The following FAM53B variants were observed in gnomAD, a reference collection of about 807,000 sequenced individuals.
FAM53B encodes the protein family with sequence similarity 53 member B, also known as protein FAM53B.
In FAM53B, 12 loss-of-function variants were observed where a neutral mutation model predicts 32.7. That is an observed-to-expected ratio of 0.37 (90% CI 0.24 to 0.59). The LOEUF (loss-of-function observed/expected upper bound fraction) is 0.59. Ranked by LOEUF, FAM53B falls within the 20% of genes least tolerant of loss-of-function variation. FAM53B has a pLI of 0.72. For missense variants in FAM53B, 477 were observed against 577.7 expected (o/e 0.83, Z 1.79); for synonymous variants, 234 against 228.7 (o/e 1.02, Z -0.21).
At chr10:124,656,531 A>G (rs1399369850) in intron 4 of FAM53B, among the ~76,000 whole-genome samples, 1 of 152,208 alleles carries the variant, frequency 6.6e-6, no homozygotes, top group Non-Finnish European at 1.5e-5. Context: ...GGCACAGACC[A>G]ATATTGGAAA....
At position 124,744,188 on chromosome 10, in the gene FAM53B, T is replaced by C. The variant is rs1371957479; in HGVS notation, c.-350A>G. 1 of 146,932 alleles carries C rather than the reference T, an allele frequency of 6.8e-6. No individual in the cohort carries two copies. The highest frequency in any genetic ancestry group is 2.4e-5 in the African/African-American group (1 of 40,896). 9.1% of individuals were successfully genotyped at this position (146,932 alleles called of 1,614,324 possible). On this transcript the variant is annotated 5_prime_UTR_variant, in exon 1 of 5. Coordinates refer to ENST00000337318, the MANE Select transcript of FAM53B (RefSeq NM_014661.4). ...ATCGACTTGTCACTTCCTGAAGTGTTTGCAACTCGTCCCTTTAACCGGCAC... is the reference window on the plus strand; with the variant it reads ...ATCGACTTGTCACTTCCTGAAGTGTCTGCAACTCGTCCCTTTAACCGGCAC...
intron 4 of FAM53B, among the ~76,000 whole-genome samples, chr10:124,656,298 T>C (rs1366644135): frequency 6.6e-6 from 1 of 152,162 alleles, no homozygotes; most frequent in Non-Finnish European, 1.5e-5. Context: ...GGCCCCACGA[T>C]AAGCATGCTC....
At chr10:124,704,232 G>A (rs1949934849) in intron 2 of FAM53B, 1 of 152,370 alleles carries the variant, frequency 6.6e-6, no homozygotes, top group Non-Finnish European at 1.5e-5. Flanking sequence ...AGACAATGGT[G>A]AATGAGAAGA....
chr10:124,640,530 G>A lies in FAM53B; in HGVS notation c.907-16926C>T, dbSNP rs191286345. Reference sequence around the variant, plus strand: ...GAGATGCCATGAATCCCACCAGTCCGTCATCCCCTAGAATCTTGTCTTGTC... The same window carrying A: ...GAGATGCCATGAATCCCACCAGTCCATCATCCCCTAGAATCTTGTCTTGTC... On this transcript the variant is annotated intron_variant, in intron 4 of 4. Coordinates refer to ENST00000337318, the MANE Select transcript of FAM53B (RefSeq NM_014661.4). Among the ~76,000 whole-genome samples, 14 of 152,324 alleles carry A rather than the reference G, an allele frequency of 9.2e-5. 1 individual carries two copies. The East Asian group carries it at 2.5e-3, about 27-fold the overall frequency.
At chr10:124,675,538 T>A (rs1235075760) in intron 4 of FAM53B, among the ~76,000 whole-genome samples, 1 of 152,242 alleles carries the variant, frequency 6.6e-6, no homozygotes, top group Non-Finnish European at 1.5e-5. Context: ...CCATGCGACA[T>A]GATTCCTCCC....
chr10:124,632,340 C>G (rs1949396784), intron 4 of FAM53B, among the ~76,000 whole-genome samples: 1 of 152,260 alleles, frequency 6.6e-6, no homozygotes, highest in Non-Finnish European at 1.5e-5. Context: ...ACTCGTGAAA[C>G]CACCTCGCTC....
At chr10:124,655,492 G>A (rs544624440) in intron 4 of FAM53B, among the ~76,000 whole-genome samples, 5 of 151,870 alleles carry the variant, frequency 3.3e-5, no homozygotes, top group South Asian at 4.2e-4. Context: ...CAGGAAACAC[G>A]GGATGCCGAG....
chr10:124,719,647 G>A (rs1950057522), intron 1 of FAM53B, among the ~76,000 whole-genome samples: 1 of 152,170 alleles, frequency 6.6e-6, no homozygotes, highest in African/African-American at 2.4e-5. Context: ...TGTCCCCCTA[G>A]TGGAGCCATC....
chr10:124,685,383 G>T (rs532513097), intron 3 of FAM53B, among the ~76,000 whole-genome samples: 1 of 152,342 alleles, frequency 6.6e-6, no homozygotes, highest in African/African-American at 2.4e-5. Flanking sequence ...CGGAGCGGGG[G>T]CCCACAGCCC....
intron 1 of FAM53B, among the ~76,000 whole-genome samples, chr10:124,741,323 C>T (rs578116159): frequency 2.0e-5 from 3 of 152,284 alleles, no homozygotes; most frequent in South Asian, 4.1e-4. Context: ...CCATACAATG[C>T]GCAATTTAAC....
intron 2 of FAM53B, among the ~76,000 whole-genome samples, chr10:124,697,563 C>T (rs1388812578): frequency 3.9e-5 from 6 of 152,136 alleles, no homozygotes; most frequent in Admixed American, 2.0e-4. Flanking sequence ...CCATGCTGAC[C>T]AACCTGGGGA....
At chr10:124,658,656 A>G (rs928601903) in intron 4 of FAM53B, among the ~76,000 whole-genome samples, 6 of 152,190 alleles carry the variant, frequency 3.9e-5, no homozygotes, top group African/African-American at 1.4e-4. Flanking sequence ...CGGCATGTGG[A>G]GGAAGCTGAG....
chr10:124,730,961 A>G (rs1004474976), intron 1 of FAM53B, among the ~76,000 whole-genome samples: 1 of 152,204 alleles, frequency 6.6e-6, no homozygotes, highest in Non-Finnish European at 1.5e-5. Flanking sequence ...TTACCTACAC[A>G]AACGGATGTG....
chr10:124,735,117 CT>C (rs973651577), intron 1 of FAM53B, among the ~76,000 whole-genome samples: 96 of 152,176 alleles, frequency 6.3e-4, no homozygotes, highest in African/African-American at 2.2e-3. Context: ...TCCAAGGCAG[CT>C]CCCCCAACGT....
In FAM53B at chr10:124,681,927, G is replaced by T. The variant is rs1368378214; in HGVS notation, c.586C>A (p.Gln196Lys). 1 of 1,613,996 alleles carries T rather than the reference G, an allele frequency of 6.2e-7. No individual in the cohort carries two copies. The highest frequency in any genetic ancestry group is 1.1e-5 in the South Asian group (1 of 91,084). ...CACGGGGCTGAGCCTGGCACCCCTT[G>T]GCAGGGCTGCCCTCCAAATCGGTGG... ...LHHRFGGQPCQGVPGSAPCGQ... is the reference protein window; with the variant it reads ...LHHRFGGQPCKGVPGSAPCGQ... Residue 196 changes from glutamine to lysine, a missense_variant, in exon 4 of 5, where the codon CAA becomes AAA. Coordinates refer to ENST00000337318, the MANE Select transcript of FAM53B (RefSeq NM_014661.4).
At chr10:124,688,036 A>G (rs1949813050) in intron 3 of FAM53B, among the ~76,000 whole-genome samples, 1 of 152,228 alleles carries the variant, frequency 6.6e-6, no homozygotes, top group Non-Finnish European at 1.5e-5. Flanking sequence ...CACCCATCAG[A>G]GGTTTCACAG....
chr10:124,628,120 T>C (rs1437635839), intron 4 of FAM53B, among the ~76,000 whole-genome samples: 2 of 152,164 alleles, frequency 1.3e-5, no homozygotes, highest in African/African-American at 4.8e-5. Context: ...ATAGAGACGC[T>C]AGAAACATCT....
intron 4 of FAM53B, among the ~76,000 whole-genome samples, chr10:124,665,597 G>A (rs1170404881): frequency 1.3e-5 from 2 of 152,112 alleles, no homozygotes; most frequent in South Asian, 2.1e-4. Flanking sequence ...ATCTTATTTC[G>A]TCCTGGCAAC....
intron 4 of FAM53B, among the ~76,000 whole-genome samples, chr10:124,668,712 G>A (rs1949688917): frequency 6.6e-6 from 1 of 152,258 alleles, no homozygotes; most frequent in Non-Finnish European, 1.5e-5. Context: ...GGGGTCATGA[G>A]GCAAGAGGGG....
Sources: allele counts gnomAD v4.1 joint callset (sites outside exome capture counted in the v4.1 genomes callset), GRCh38; gene constraint gnomAD v4.1.1; transcripts MANE v1.5; gene names NCBI Gene and HGNC (gene_info 2026-07-23, HGNC 2026-07-21).